Variants in KAZN observed in about 807,000 individuals in gnomAD.
The protein encoded by KAZN is kazrin.
In KAZN, 40 loss-of-function variants were observed where a neutral mutation model predicts 87.4. The ratio of observed to expected loss-of-function variants is 0.46; its 90% CI spans 0.36 to 0.60. KAZN has a LOEUF of 0.60. Ranked by LOEUF, KAZN falls within the 20% of genes least tolerant of loss-of-function variation. The probability of loss-of-function intolerance (pLI) is 0.00; values close to 1 mark genes in which losing one functional copy is unlikely to be tolerated. For synonymous variants in KAZN, 466 were observed against 458.3 expected (o/e 1.02, Z -0.22); for missense variants, 898 against 1,073.9 (o/e 0.84, Z 2.29).
chr1:14,397,861 C>CAAAAA (rs761120479), intron 2 of KAZN, among the ~76,000 whole-genome samples: 3 of 40,648 alleles, frequency 7.4e-5, no homozygotes, highest in Non-Finnish European at 1.1e-4. Flanking sequence ...AACTCCATCT[C>CAAAAA]AAAAAAAAAA....
chr1:14,908,392 T>G (rs914884120), intron 1 of KAZN, among the ~76,000 whole-genome samples: 2 of 149,304 alleles, frequency 1.3e-5, no homozygotes, highest in Non-Finnish European at 3.0e-5. Context: ...AATACAAACA[T>G]TAACCAGGCA....
intron 2 of KAZN, among the ~76,000 whole-genome samples, chr1:14,480,389 G>A (rs1382197598): frequency 6.6e-6 from 1 of 152,070 alleles, no homozygotes; most frequent in African/African-American, 2.4e-5. Context: ...TTACATTCTA[G>A]CAGGAGTGAC....
intron 11 of KAZN, 25 bp downstream of exon 11, chr1:15,101,799 G>T: frequency 6.6e-7 from 1 of 1,508,382 alleles, no homozygotes; most frequent in South Asian, 1.2e-5. Flanking sequence ...ACAGGGTGGG[G>T]GCACCTTCCA....
chr1:14,673,614 A>C (rs1374199449), intron 1 of KAZN, among the ~76,000 whole-genome samples: 5 of 152,218 alleles, frequency 3.3e-5, no homozygotes, highest in Non-Finnish European at 7.3e-5. Context: ...TGGATCCATC[A>C]GCTGCTGTTG....
At chr1:14,692,012 T>C (rs559586262) in intron 1 of KAZN, 3 of 200,940 alleles carry the variant, frequency 1.5e-5, no homozygotes, top group East Asian at 2.4e-4. Context: ...ATAAAAACAA[T>C]CACATTCTTA....
At chr1:14,134,522 A>C (rs1231015097) in intron 1 of KAZN, among the ~76,000 whole-genome samples, 1 of 152,240 alleles carries the variant, frequency 6.6e-6, no homozygotes, top group Non-Finnish European at 1.5e-5. Context: ...TCATGCGGCC[A>C]TACAGGCTGA....
intron 1 of KAZN, among the ~76,000 whole-genome samples, chr1:14,701,376 C>G (rs1477332911): frequency 3.3e-5 from 5 of 152,218 alleles, no homozygotes; most frequent in Non-Finnish European, 7.3e-5. Context: ...AGCTGTCGTC[C>G]TGCCTTGACC....
At chr1:14,541,579 A>G (rs1259306468) in intron 2 of KAZN, among the ~76,000 whole-genome samples, 4 of 152,134 alleles carry the variant, frequency 2.6e-5, no homozygotes, top group African/African-American at 9.7e-5. Flanking sequence ...TGCTTCCTCT[A>G]AAACTGGCCA....
intron 1 of KAZN, among the ~76,000 whole-genome samples, chr1:14,834,555 G>A (rs1015074080): frequency 6.6e-6 from 1 of 151,568 alleles, no homozygotes; most frequent in East Asian, 1.9e-4. Context: ...TAGAGACGGG[G>A]TTTCACCGTG....
chr1:14,827,334 G>C (rs892694391), intron 1 of KAZN, among the ~76,000 whole-genome samples: 1 of 152,124 alleles, frequency 6.6e-6, no homozygotes, highest in Non-Finnish European at 1.5e-5. Context: ...GTGGTGATTT[G>C]TGAGATTTTG....
chr1:14,924,796 G>A (rs1320247805), intron 1 of KAZN, among the ~76,000 whole-genome samples: 1 of 152,144 alleles, frequency 6.6e-6, no homozygotes, highest in African/African-American at 2.4e-5. Context: ...CTGCACCGGG[G>A]GGCCAGGACC....
intron 1 of KAZN, among the ~76,000 whole-genome samples, chr1:14,083,550 G>T (rs767308656): frequency 1.3e-5 from 2 of 152,150 alleles, no homozygotes; most frequent in African/African-American, 4.8e-5. Flanking sequence ...CAGAATAAGT[G>T]GTCTATACAT....
intron 1 of KAZN, among the ~76,000 whole-genome samples, chr1:14,845,500 T>C (rs1452268166): frequency 6.7e-6 from 1 of 149,106 alleles, no homozygotes; most frequent in Non-Finnish European, 1.5e-5. Flanking sequence ...AAGTGGGGGA[T>C]GGATGGATAA....
At chr1:14,514,851 A>G (rs11807859) in intron 2 of KAZN, among the ~76,000 whole-genome samples, 121,621 of 151,424 alleles carry the variant, frequency 0.8, 49,241 homozygotes, top group South Asian at 0.83. Context: ...GTTGTTCCAT[A>G]CAGGACACTG....
At chr1:13,993,332 A>G (rs866648422) in intron 1 of KAZN, among the ~76,000 whole-genome samples, 2 of 152,214 alleles carry the variant, frequency 1.3e-5, no homozygotes, top group African/African-American at 4.8e-5. Context: ...ATACATATAC[A>G]GTCAGTTAAA....
At chr1:14,591,262 G>A (rs1391528464) in intron 2 of KAZN, among the ~76,000 whole-genome samples, 1 of 152,078 alleles carries the variant, frequency 6.6e-6, no homozygotes, top group East Asian at 1.9e-4. Flanking sequence ...TTGGAGTGTA[G>A]TGATATTTCT....
At chr1:14,182,367 T>C (rs1022246226) in intron 2 of KAZN, among the ~76,000 whole-genome samples, 2 of 152,210 alleles carry the variant, frequency 1.3e-5, no homozygotes, top group African/African-American at 2.4e-5. Context: ...TTGTTTCTTT[T>C]GCCTCCTAAC....
chr1:14,283,831 T>C (rs1018922117), intron 2 of KAZN, among the ~76,000 whole-genome samples: 1 of 152,182 alleles, frequency 6.6e-6, no homozygotes, highest in Non-Finnish European at 1.5e-5. Flanking sequence ...TTTCTCATTA[T>C]AGGCAACGAG....
At chr1:14,546,043 G>A (rs1557790511) in intron 2 of KAZN, among the ~76,000 whole-genome samples, 1 of 152,142 alleles carries the variant, frequency 6.6e-6, no homozygotes, top group African/African-American at 2.4e-5. Context: ...TATCATGATG[G>A]TGGATCTTAC....
Sources: gnomAD v4.1 joint callset for allele counts (sites outside exome capture counted in the v4.1 genomes callset) on GRCh38, gnomAD v4.1.1 for gene constraint, MANE v1.5 for transcripts, NCBI Gene and HGNC (gene_info 2026-07-23, HGNC 2026-07-21) for gene names.